QTMAN: variants seen among roughly 807,000 people sequenced by gnomAD.
QTMAN encodes queuosine-tRNA mannosyltransferase.
At chr2:144,259,483 C>G in the QTMAN span, among the ~76,000 whole-genome samples, 2 of 152,232 alleles carry the variant, frequency 1.3e-5, no homozygotes, top group African/African-American at 4.8e-5. Flanking sequence ...ATGAAGCCAA[C>G]TGGATTTATT....
the QTMAN span, among the ~76,000 whole-genome samples, chr2:144,169,233 G>A: frequency 6.6e-6 from 1 of 152,100 alleles, no homozygotes; most frequent in African/African-American, 2.4e-5. Flanking sequence ...AAGCTCCCAA[G>A]AGATATCTAT....
At chr2:144,297,137 T>C in the QTMAN span, among the ~76,000 whole-genome samples, 1 of 152,188 alleles carries the variant, frequency 6.6e-6, no homozygotes, top group Non-Finnish European at 1.5e-5. Flanking sequence ...TAACTTTTCA[T>C]CATGAAAATC....
chr2:143,955,767 A>G, the QTMAN span, among the ~76,000 whole-genome samples: 2 of 152,248 alleles, frequency 1.3e-5, no homozygotes, highest in Non-Finnish European at 2.9e-5. Flanking sequence ...TTCTAAACTA[A>G]AACAGAGGAT....
the QTMAN span, among the ~76,000 whole-genome samples, chr2:144,133,161 A>C: frequency 3.5e-4 from 24 of 67,900 alleles, 1 homozygote; most frequent in Admixed American, 1.9e-3. Context: ...AATATAATAT[A>C]ATATATATAT....
chr2:144,018,363 C>G, the QTMAN span, among the ~76,000 whole-genome samples: 2 of 151,828 alleles, frequency 1.3e-5, no homozygotes, highest in Admixed American at 1.3e-4. Flanking sequence ...AATGTTCGGA[C>G]AGTAAGTATT....
chr2:144,069,033 C>T, the QTMAN span, among the ~76,000 whole-genome samples: 33 of 152,130 alleles, frequency 2.2e-4, no homozygotes, highest in Non-Finnish European at 5.9e-5. Flanking sequence ...GCCTTTTTAA[C>T]CCCTCTTTTT....
the QTMAN span, among the ~76,000 whole-genome samples, chr2:144,212,404 G>C: frequency 6.6e-6 from 1 of 152,200 alleles, no homozygotes; most frequent in East Asian, 1.9e-4. Context: ...AGAGGTTGCA[G>C]TGAGCCGAGA....
At chr2:144,156,160 T>C in the QTMAN span, among the ~76,000 whole-genome samples, 4 of 152,156 alleles carry the variant, frequency 2.6e-5, no homozygotes, top group African/African-American at 4.8e-5. Context: ...ATGCTTCTCA[T>C]AGAAATTATG....
the QTMAN span, among the ~76,000 whole-genome samples, chr2:144,140,307 G>A: frequency 1.1e-4 from 17 of 151,856 alleles, no homozygotes; most frequent in East Asian, 9.7e-4. Flanking sequence ...GAAATACATC[G>A]GATGTAAATG....
the QTMAN span, among the ~76,000 whole-genome samples, chr2:144,273,628 C>G: frequency 1.3e-5 from 2 of 152,138 alleles, no homozygotes; most frequent in Admixed American, 1.3e-4. Flanking sequence ...ATCAAGAACA[C>G]ACACCAATGC....
At chr2:144,231,598 T>C in the QTMAN span, among the ~76,000 whole-genome samples, 2 of 152,118 alleles carry the variant, frequency 1.3e-5, no homozygotes, top group African/African-American at 4.8e-5. Context: ...CTCAACCGTA[T>C]TTACCAAAAA....
chr2:143,967,537 G>T, the QTMAN span, among the ~76,000 whole-genome samples: 1 of 152,020 alleles, frequency 6.6e-6, no homozygotes, highest in Non-Finnish European at 1.5e-5. Flanking sequence ...CACCATGTTG[G>T]CCAGGCTGGT....
At chr2:144,136,444 G>A in the QTMAN span, among the ~76,000 whole-genome samples, 4 of 145,550 alleles carry the variant, frequency 2.7e-5, no homozygotes. Context: ...GGAAAAGAAA[G>A]GAAAGGAGAA....
At chr2:144,047,999 G>C in the QTMAN span, among the ~76,000 whole-genome samples, 1 of 152,202 alleles carries the variant, frequency 6.6e-6, no homozygotes, top group African/African-American at 2.4e-5. Flanking sequence ...AAAGAAATAG[G>C]CTAGTGTTCC....
At chr2:144,080,680 G>A in the QTMAN span, among the ~76,000 whole-genome samples, 1 of 152,168 alleles carries the variant, frequency 6.6e-6, no homozygotes, top group East Asian at 1.9e-4. Context: ...ATTTGTGGGT[G>A]AACATAGACT....
At chr2:144,314,773 AT>A in the QTMAN span, among the ~76,000 whole-genome samples, 1 of 152,192 alleles carries the variant, frequency 6.6e-6, no homozygotes, top group Non-Finnish European at 1.5e-5. Flanking sequence ...AAACTGTTCT[AT>A]TTTTTGAAAG....
At chr2:144,327,165 G>A in the QTMAN span, among the ~76,000 whole-genome samples, 1 of 152,136 alleles carries the variant, frequency 6.6e-6, no homozygotes, top group Admixed American at 6.5e-5. Flanking sequence ...GAGCTTCCAG[G>A]TAACTGAACA....
the QTMAN span, among the ~76,000 whole-genome samples, chr2:144,329,590 A>AC: frequency 6.6e-6 from 1 of 152,198 alleles, no homozygotes; most frequent in South Asian, 2.1e-4. Flanking sequence ...ATTTTAGCTC[A>AC]CCTAAGGTGT....
chr2:144,244,704 T>C, the QTMAN span, among the ~76,000 whole-genome samples: 26 of 152,284 alleles, frequency 1.7e-4, no homozygotes, highest in Middle Eastern at 3.4e-3. Context: ...TGGACCATCA[T>C]TTTCATTTGT....
Sources: allele counts gnomAD v4.1 joint callset (sites outside exome capture counted in the v4.1 genomes callset), GRCh38; gene constraint gnomAD v4.1.1; transcripts MANE v1.5; gene names NCBI Gene and HGNC (gene_info 2026-07-23, HGNC 2026-07-21).